The following FTO variants were observed in gnomAD, a reference collection of about 807,000 sequenced individuals.
FTO encodes alpha-ketoglutarate-dependent dioxygenase FTO.
A neutral mutation model predicts 63.9 loss-of-function variants in FTO; 47 were observed. The ratio of observed to expected loss-of-function variants is 0.74; its 90% CI spans 0.58 to 0.94. The LOEUF (loss-of-function observed/expected upper bound fraction) is 0.94, where lower values mean the gene tolerates loss of function less well. FTO is among the 40% of genes least tolerant of loss of function. The pLI, the probability that FTO is intolerant of heterozygous loss-of-function variation, is 0.00. For missense variants in FTO, 562 were observed against 618.1 expected (o/e 0.91, Z 0.96); for synonymous variants, 207 against 224.4 (o/e 0.92, Z 0.69).
intron 8 of FTO, among the ~76,000 whole-genome samples, chr16:53,963,551 T>C (rs2083129583): frequency 6.6e-6 from 1 of 152,164 alleles, no homozygotes; most frequent in Admixed American, 6.5e-5. Flanking sequence ...CTTGGTACTG[T>C]GTAGTGAGTG....
chr16:53,729,591 C>G (rs2076228339), intron 1 of FTO, among the ~76,000 whole-genome samples: 1 of 152,052 alleles, frequency 6.6e-6, no homozygotes, highest in Non-Finnish European at 1.5e-5. Context: ...AAAATTCAGA[C>G]TCCTGGGCTT....
At chr16:53,756,179 A>C (rs1024775411) in intron 1 of FTO, among the ~76,000 whole-genome samples, 2 of 152,234 alleles carry the variant, frequency 1.3e-5, no homozygotes, top group African/African-American at 4.8e-5. Flanking sequence ...GATCTCAGTA[A>C]GAGAGATATA....
chr16:53,895,526 G>GA (rs1265363030), intron 7 of FTO, among the ~76,000 whole-genome samples: 1 of 152,070 alleles, frequency 6.6e-6, no homozygotes, highest in African/African-American at 2.4e-5. Context: ...CTGTGCAGCA[G>GA]AAAAAAGGGA....
At chr16:54,011,004 G>A (rs1326300465) in intron 8 of FTO, among the ~76,000 whole-genome samples, 1 of 152,180 alleles carries the variant, frequency 6.6e-6, no homozygotes, top group African/African-American at 2.4e-5. Flanking sequence ...TGGAGGGGAG[G>A]GGAGAGGAAG....
rs182091929 is a variant in FTO at position 53,813,149 on chromosome 16, C to T, written c.123+2932C>T. On this transcript the variant is annotated intron_variant, in intron 2 of 8. Transcript: ENST00000471389. ...TATCAAGACTTCTCTGTTATCTTTC[C>T]AAGGCCCGCAACAAACCCTGATACT... 1.4e-3 allele frequency among the ~76,000 whole-genome samples: 213 copies of T among 152,142 alleles called. 1 individual carries two copies. Among genetic ancestry groups the T allele is most frequent in the African/African-American group, 4.7e-3 (197 of 41,526 alleles).
At chr16:53,925,331 G>A (rs1410049699) in intron 7 of FTO, among the ~76,000 whole-genome samples, 1 of 152,104 alleles carries the variant, frequency 6.6e-6, no homozygotes, top group Non-Finnish European at 1.5e-5. Context: ...AAAGTGTTGG[G>A]GGTGACATTT....
intron 1 of FTO, among the ~76,000 whole-genome samples, chr16:53,794,144 C>G (rs544846837): frequency 6.6e-6 from 1 of 152,082 alleles, no homozygotes; most frequent in African/African-American, 2.4e-5. Flanking sequence ...TTTTCTGGAG[C>G]GTAATTTCAC....
intron 2 of FTO, among the ~76,000 whole-genome samples, chr16:53,820,993 T>C (rs940609334): frequency 6.6e-6 from 1 of 152,186 alleles, no homozygotes; most frequent in Non-Finnish European, 1.5e-5. Context: ...TTTCTTTTTA[T>C]GCTGTTTTTT....
At chr16:53,901,814 GAT>G (rs1473242756) in intron 7 of FTO, among the ~76,000 whole-genome samples, 2 of 152,156 alleles carry the variant, frequency 1.3e-5, no homozygotes, top group Admixed American at 1.3e-4. Context: ...TAAGGCACAA[GAT>G]GTTAATTGTT....
intron 4 of FTO, among the ~76,000 whole-genome samples, chr16:53,872,253 T>G (rs1355063290): frequency 1.3e-5 from 2 of 152,204 alleles, no homozygotes; most frequent in African/African-American, 2.4e-5. Flanking sequence ...GCTTCTTTTT[T>G]TGGCCCTTGG....
chr16:53,869,545 T>G (rs1254870697), intron 4 of FTO, among the ~76,000 whole-genome samples: 1 of 151,808 alleles, frequency 6.6e-6, no homozygotes, highest in African/African-American at 2.4e-5. Context: ...AGTTCTGTTT[T>G]TTTTTTTTTT....
At chr16:53,710,757 C>T (rs901921030) in intron 1 of FTO, among the ~76,000 whole-genome samples, 7 of 152,186 alleles carry the variant, frequency 4.6e-5, no homozygotes, top group African/African-American at 1.2e-4. Context: ...GTCTGACTCT[C>T]TTGAAAAACT....
At chr16:53,914,831 G>A (rs898651653) in intron 7 of FTO, among the ~76,000 whole-genome samples, 2 of 152,152 alleles carry the variant, frequency 1.3e-5, no homozygotes, top group Admixed American at 1.3e-4. Flanking sequence ...TTCTCTAACA[G>A]CAGTAATTCT....
intron 7 of FTO, among the ~76,000 whole-genome samples, chr16:53,907,342 C>G (rs2081565257): frequency 6.6e-6 from 1 of 152,112 alleles, no homozygotes; most frequent in African/African-American, 2.4e-5. Context: ...TTGGATATCT[C>G]ATGTAATTTA....
At chr16:54,026,995 G>A (rs1232776216) in intron 8 of FTO, among the ~76,000 whole-genome samples, 1 of 152,102 alleles carries the variant, frequency 6.6e-6, no homozygotes, top group African/African-American at 2.4e-5. Flanking sequence ...AAACATTGGA[G>A]GCTATCAAAG....
chr16:54,096,702 G>T (rs1307664940), intron 8 of FTO, among the ~76,000 whole-genome samples: 1 of 152,162 alleles, frequency 6.6e-6, no homozygotes, highest in Non-Finnish European at 1.5e-5. Flanking sequence ...ACTAGTGAGT[G>T]ACCTAAGTTT....
intron 8 of FTO, among the ~76,000 whole-genome samples, chr16:54,013,114 A>G (rs1322161116): frequency 3.3e-5 from 5 of 152,226 alleles, no homozygotes; most frequent in African/African-American, 1.2e-4. Flanking sequence ...TGTTAAGAAA[A>G]TTCATGATTC....
intron 2 of FTO, among the ~76,000 whole-genome samples, chr16:53,824,867 A>G (rs1026720757): frequency 1.4e-4 from 21 of 152,356 alleles, no homozygotes; most frequent in African/African-American, 5.1e-4. Context: ...GTTGCATTTT[A>G]CAGAATCAGG....
At chr16:54,017,453 A>G (rs978808412) in intron 8 of FTO, among the ~76,000 whole-genome samples, 4 of 152,200 alleles carry the variant, frequency 2.6e-5, no homozygotes, top group African/African-American at 7.2e-5. Flanking sequence ...AGGAGCATCT[A>G]TGTCCCTGCT....
Sources: gnomAD v4.1 joint callset for allele counts (sites outside exome capture counted in the v4.1 genomes callset) on GRCh38, gnomAD v4.1.1 for gene constraint, MANE v1.5 for transcripts, NCBI Gene and HGNC (gene_info 2026-07-23, HGNC 2026-07-21) for gene names.